The following SLC14A2 variants were observed in gnomAD, a reference collection of about 807,000 sequenced individuals.
SLC14A2 encodes urea transporter 2.
SLC14A2 carries 91 observed loss-of-function variants against 104.6 expected under a neutral mutation model. That is an observed-to-expected ratio of 0.87 (90% CI 0.73 to 1.04). The LOEUF is 1.04. Among genes scored for constraint, SLC14A2 ranks in the 50% least tolerant of loss-of-function variants. The pLI is 0.00. For synonymous variants in SLC14A2, 476 were observed against 466.4 expected (o/e 1.02, Z -0.27); for missense variants, 1,189 against 1,156.0 (o/e 1.03, Z -0.41).
rs1197021967 is a variant in SLC14A2 at position 45,648,244 on chromosome 18, C to T, written c.1351+4084C>T. On this transcript the variant is annotated intron_variant, in intron 10 of 19. Transcript: ENST00000255226. ...TTTTTGAGATGGAGTCTCACTCTAT[C>T]GCCCAGGCTGGAGTGCAGTGGCACC... 9.5e-5 allele frequency among the ~76,000 whole-genome samples: 12 copies of T among 126,200 alleles called. No individual in the cohort carries two copies. The Admixed American group carries it at 1.0e-3, about 11-fold the overall frequency. The allele number at this position is 126,200 out of a possible 152,430, so 82.8% of individuals were successfully genotyped here. A position where few individuals can be genotyped will look rare whatever the true frequency, so the allele number is the denominator to read the frequency against.
chr18:45,261,096 T>C (rs1160898310), intron 1 of SLC14A2, among the ~76,000 whole-genome samples: 1 of 152,010 alleles, frequency 6.6e-6, no homozygotes, highest in Non-Finnish European at 1.5e-5. Context: ...GTGTGCCATG[T>C]TGGTGTGCTG....
rs755409708 is a variant in SLC14A2, at chr18:45,502,066, C to T, written c.-35+18744C>T. Among the ~76,000 whole-genome samples the T allele has an allele frequency of 3.9e-5, 6 of 152,232 alleles. No individual in the cohort carries two copies. In the East Asian group the frequency reaches 5.8e-4, roughly 15 times the overall value. The stretch of plus-strand genomic sequence containing the variant: ...TAAGTGGTCCCTAAAGGCAGGATTC[C>T]GTGGCATCTGTCTGTGAGTTCCCAT... On this transcript the variant is annotated intron_variant, in intron 2 of 20. Transcript: ENST00000586448.
chr18:45,214,584 C>G (rs1026531675), intron 1 of SLC14A2, among the ~76,000 whole-genome samples: 1 of 151,996 alleles, frequency 6.6e-6, no homozygotes. Context: ...TGGTCTTTAT[C>G]GATAATTTTA....
chr18:45,316,362 A>G (rs1031624219), intron 1 of SLC14A2, among the ~76,000 whole-genome samples: 2 of 152,210 alleles, frequency 1.3e-5, no homozygotes, highest in Admixed American at 1.3e-4. Context: ...AGAGGTTGAG[A>G]TAAAGGGAAG....
chr18:45,396,927 C>G (rs1205734032), intron 1 of SLC14A2, among the ~76,000 whole-genome samples: 1 of 152,106 alleles, frequency 6.6e-6, no homozygotes, highest in Non-Finnish European at 1.5e-5. Flanking sequence ...ATTTGGTTTT[C>G]TGTTCCTGCC....
chr18:45,299,996 C>T (rs2084952859), intron 1 of SLC14A2, among the ~76,000 whole-genome samples: 2 of 152,142 alleles, frequency 1.3e-5, no homozygotes, highest in Non-Finnish European at 2.9e-5. Flanking sequence ...TTTGTGGTTT[C>T]ACCTTAGGCA....
intron 2 of SLC14A2, among the ~76,000 whole-genome samples, chr18:45,602,993 C>T (rs1483483415): frequency 6.6e-6 from 1 of 152,224 alleles, no homozygotes; most frequent in African/African-American, 2.4e-5. Flanking sequence ...TAGTTAGCAA[C>T]TGACTGATAG....
intron 1 of SLC14A2, among the ~76,000 whole-genome samples, chr18:45,237,670 C>T (rs1357227966): frequency 6.6e-6 from 1 of 152,216 alleles, no homozygotes; most frequent in East Asian, 1.9e-4. Flanking sequence ...TTAGATGTAT[C>T]ATCTAAGAGC....
chr18:45,254,835 C>T (rs1306760648), intron 1 of SLC14A2, among the ~76,000 whole-genome samples: 1 of 152,134 alleles, frequency 6.6e-6, no homozygotes, highest in East Asian at 1.9e-4. Flanking sequence ...CCCAAGGAGG[C>T]CAATGATGCT....
intron 1 of SLC14A2, among the ~76,000 whole-genome samples, chr18:45,314,027 T>A (rs1349637275): frequency 1.3e-5 from 2 of 152,226 alleles, no homozygotes; most frequent in Non-Finnish European, 1.5e-5. Flanking sequence ...CTTGCCTTAT[T>A]TGTCTCTGTC....
intron 1 of SLC14A2, among the ~76,000 whole-genome samples, chr18:45,368,536 T>C (rs747427653): frequency 8.5e-5 from 13 of 152,330 alleles, no homozygotes; most frequent in Admixed American, 6.5e-4. Flanking sequence ...ATTGGGCTTA[T>C]GACTTTATAA....
At chr18:45,490,559 T>C (rs983499217) in intron 2 of SLC14A2, among the ~76,000 whole-genome samples, 1 of 151,966 alleles carries the variant, frequency 6.6e-6, no homozygotes, top group African/African-American at 2.4e-5. Flanking sequence ...TAAGAAAAAA[T>C]TTTAAGAACA....
the SLC14A2 span, among the ~76,000 whole-genome samples, chr18:45,194,707 G>A: frequency 4.1e-5 from 6 of 147,004 alleles, no homozygotes; most frequent in Non-Finnish European, 8.9e-5. Context: ...GTGCAGTGGT[G>A]CGATCTCGGC....
intron 2 of SLC14A2, among the ~76,000 whole-genome samples, chr18:45,521,220 A>G (rs1298213989): frequency 1.3e-5 from 2 of 152,232 alleles, no homozygotes; most frequent in Non-Finnish European, 2.9e-5. Flanking sequence ...TTGCTTCTAC[A>G]TCATCTTGAT....
intron 1 of SLC14A2, among the ~76,000 whole-genome samples, chr18:45,304,161 A>G (rs774123440): frequency 2.0e-5 from 3 of 152,220 alleles, no homozygotes; most frequent in Non-Finnish European, 4.4e-5. Flanking sequence ...GCACATGTAC[A>G]TATATATTTT....
chr18:45,473,645 G>A (rs1013685619), intron 1 of SLC14A2, among the ~76,000 whole-genome samples: 19 of 152,104 alleles, frequency 1.2e-4, no homozygotes, highest in Admixed American at 3.9e-4. Flanking sequence ...TAGCAGTTGC[G>A]AACAGGAGTT....
chr18:45,181,787 TA>T, the SLC14A2 span, among the ~76,000 whole-genome samples: 2 of 145,692 alleles, frequency 1.4e-5, no homozygotes, highest in Non-Finnish European at 3.1e-5. Context: ...AAAAGAAATT[TA>T]CAGAAAAACA....
Position 45,682,361 on chromosome 18 carries a change from C to T in SLC14A2, c.2605C>T (p.Leu869Phe). ...CACTTGGCCCTTCTGTCTCTCAGCT[C>T]TCACCTTCCTGCTCCTGACGACCAA... is the stretch of plus-strand genomic sequence containing the variant. Reference protein sequence around the residue: ...PCTWPFCLSALTFLLLTTNNP... With the variant: ...PCTWPFCLSAFTFLLLTTNNP... Residue 869 changes from leucine (L) to phenylalanine (F), a missense_variant, in exon 20 of 20, where the codon CTC (leucine) becomes TTC (phenylalanine). Leu to Phe is a conservative substitution (Grantham distance 22, BLOSUM62 0). Coordinates refer to ENST00000255226, the MANE Select transcript of SLC14A2 (RefSeq NM_007163.4). 2 of 1,614,164 alleles carry T rather than the reference C, an allele frequency of 1.2e-6. No individual in the cohort carries two copies. The highest frequency in any genetic ancestry group is 1.7e-6 in the Non-Finnish European group (2 of 1,180,034).
intron 2 of SLC14A2, among the ~76,000 whole-genome samples, chr18:45,491,437 A>G (rs2042997798): frequency 6.6e-6 from 1 of 152,242 alleles, no homozygotes; most frequent in Non-Finnish European, 1.5e-5. Context: ...CACAGAATGC[A>G]TGCAAGTTCA....
Sources: gnomAD v4.1 joint callset for allele counts (sites outside exome capture counted in the v4.1 genomes callset) on GRCh38, gnomAD v4.1.1 for gene constraint, MANE v1.5 for transcripts, NCBI Gene and HGNC (gene_info 2026-07-23, HGNC 2026-07-21) for gene names.